CHEK2: variants seen among roughly 807,000 people sequenced by gnomAD.
CHEK2 encodes the protein serine/threonine-protein kinase Chk2.
CHEK2 carries 71 observed loss-of-function variants against 69.1 expected under a neutral mutation model. The observed-to-expected ratio is 1.03, with a 90% CI of 0.85 to 1.25. The LOEUF is 1.25. Among genes scored for constraint, CHEK2 ranks in the 50% most tolerant of loss-of-function variants. CHEK2 has a pLI of 0.00. For synonymous variants in CHEK2, 189 were observed against 226.9 expected, an observed-to-expected ratio of 0.83 and a Z score of 1.50; for missense variants, 664 against 649.6, an observed-to-expected ratio of 1.02 and a Z score of -0.24.
At chr22:28,697,551 ATTTCT>A (rs563734053) in intron 9 of CHEK2, among the ~76,000 whole-genome samples, 173 of 151,558 alleles carry the variant, frequency 1.1e-3, no homozygotes, top group South Asian at 3.7e-3. Flanking sequence ...ACTATGCCAT[ATTTCT>A]TTTCTTTTCT....
chr22:28,730,807 G>A (rs944373269), intron 2 of CHEK2, among the ~76,000 whole-genome samples: 13 of 152,142 alleles, frequency 8.5e-5, no homozygotes, highest in African/African-American at 2.2e-4. Context: ...GCGGTGAGCC[G>A]AGATCATGAC....
rs1352758126 is a variant in CHEK2, at chr22:28,699,849, A to G, written c.997T>C (p.Leu333=). The G allele has an allele frequency of 3.7e-6, 6 of 1,613,090 alleles. No individual in the cohort carries two copies. Among genetic ancestry groups the G allele is most frequent in the African/African-American group, 1.3e-5 (1 of 74,894 alleles). ...AGGGCTTCTTTTACCTGCACAGCCA[A>G]GAGCATCTGGTAAAAATAGAGCTTG... ...TCKLYFYQML[L]AVQYLHENGI... Residue 333 remains leucine, a synonymous_variant, in exon 9 of 15, where the codon TTG becomes CTG. Coordinates refer to ENST00000404276, the MANE Select transcript of CHEK2 (RefSeq NM_007194.4).
At chr22:28,722,559 A>AT (rs2053836100) in intron 4 of CHEK2, among the ~76,000 whole-genome samples, 1 of 141,364 alleles carries the variant, frequency 7.1e-6, no homozygotes, top group Admixed American at 7.0e-5. Context: ...AAAAAAAAAA[A>AT]GAAAAGAAAA....
rs2053428847 is a variant in CHEK2, at chr22:28,712,210, G to A, written c.684-193C>T. ...AGGGCTTAACAGCCAAAAACACTAAGTCAGCTCCAAATTCCATTTCTGAGC... is the reference window on the plus strand; with the variant it reads ...AGGGCTTAACAGCCAAAAACACTAAATCAGCTCCAAATTCCATTTCTGAGC... On this transcript the variant is annotated intron_variant, in intron 5 of 14. Coordinates refer to ENST00000404276, the MANE Select transcript of CHEK2 (RefSeq NM_007194.4). 1.3e-5 allele frequency: 8 copies of A among 602,120 alleles called. No individual in the cohort carries two copies. The East Asian group carries it at 2.2e-4, about 17-fold the overall frequency. 37.3% of individuals were successfully genotyped at this position (602,120 alleles called of 1,614,324 possible).
At chr22:28,721,350 A>G (rs1451414601) in intron 4 of CHEK2, among the ~76,000 whole-genome samples, 13 of 137,444 alleles carry the variant, frequency 9.5e-5, no homozygotes, top group African/African-American at 3.6e-4. Context: ...GCAATGGTGC[A>G]ATCTTGGCTC....
chr22:28,734,776 C>A, intron 1 of CHEK2, 49 bp from the exon 2 acceptor site: 20 of 1,421,876 alleles, frequency 1.4e-5, no homozygotes, highest in Non-Finnish European at 1.8e-5. Context: ...AGGCACAAGA[C>A]TTAAAATTAA....
At chr22:28,694,694 T>G (rs1045874740) in intron 12 of CHEK2, among the ~76,000 whole-genome samples, 4 of 152,222 alleles carry the variant, frequency 2.6e-5, no homozygotes, top group Admixed American at 2.6e-4. Flanking sequence ...CAGGATAAAT[T>G]ATAAAATACA....
rs894059185 is a variant in CHEK2 at position 28,741,753 on chromosome 22, TC to T, written c.-7+15del. The T allele has an allele frequency of 2.7e-6, 1 of 371,252 alleles. No homozygotes were observed. The highest frequency in any genetic ancestry group is 2.1e-5 in the African/African-American group (1 of 48,404). 23.0% of individuals were successfully genotyped at this position (371,252 alleles called of 1,614,324 possible). A position where few individuals can be genotyped will look rare whatever the true frequency, so the allele number is the denominator to read the frequency against. ...GAACCACCAAACACCCAACAGAAGT[TC>T]CCCATATGACTCACCGCGTGAGCCC... On this transcript the variant is annotated intron_variant, in intron 1 of 14. Coordinates refer to ENST00000404276, the MANE Select transcript of CHEK2 (RefSeq NM_007194.4).
At chr22:28,735,987 G>A (rs1217339047) in intron 1 of CHEK2, among the ~76,000 whole-genome samples, 2 of 152,246 alleles carry the variant, frequency 1.3e-5, no homozygotes, top group East Asian at 3.9e-4. Context: ...GTGGAGGTAG[G>A]AGGATTGCTT....
In CHEK2 at chr22:28,694,129, A is replaced by T; in HGVS notation, c.1376-12T>A. The T allele has an allele frequency of 6.4e-7, 1 of 1,555,484 alleles. No homozygotes were observed. On this transcript the variant is annotated splice_polypyrimidine_tract_variant and intron_variant, in intron 12 of 14. Coordinates refer to ENST00000404276, the MANE Select transcript of CHEK2 (RefSeq NM_007194.4). The stretch of plus-strand genomic sequence containing the variant: ...GACAAGGTCCAGAGCTAAAGCAACA[A>T]TTGGGCAAATCACAGTGAAAAGGAT...
At chr22:28,696,447 C>G (rs1973953893) in intron 10 of CHEK2, among the ~76,000 whole-genome samples, 1 of 152,206 alleles carries the variant, frequency 6.6e-6, no homozygotes. Context: ...GATCTCAGCT[C>G]ACTGCAACTT....
intron 2 of CHEK2, among the ~76,000 whole-genome samples, chr22:28,729,131 C>T (rs1312357343): frequency 1.3e-5 from 2 of 152,066 alleles, no homozygotes; most frequent in Non-Finnish European, 1.5e-5. Context: ...CAGACAGAGA[C>T]ATCACAGTAA....
At chr22:28,736,764 AC>A (rs17881006) in intron 1 of CHEK2, among the ~76,000 whole-genome samples, 39,126 of 137,938 alleles carry the variant, frequency 0.28, 3,873 homozygotes, top group African/African-American at 0.36. Flanking sequence ...ACATAGTGGG[AC>A]CCCCCCCGCC....
rs765216307 is a variant in CHEK2, at chr22:28,711,910, G to A, written c.791C>T (p.Ala264Val). 1 of 1,599,732 alleles carries A rather than the reference G, an allele frequency of 6.3e-7. No homozygotes were observed. Among genetic ancestry groups the A allele is most frequent in the East Asian group, 2.2e-5 (1 of 44,786 alleles). The change falls in exon 6 of 15, where the codon GCA becomes GTA. Residue 264 changes from alanine (A) to valine (V), a missense_variant and splice_region_variant. Transcript: ENST00000404276. ...RKFAIGSARE[A>V]DPALNVETEI... Reference sequence around the variant, plus strand: ...GATCAGCCTTTTATTGGTACTTACTGCCTCTCTTGCTGAACCAATAGCAAA... The same window carrying A: ...GATCAGCCTTTTATTGGTACTTACTACCTCTCTTGCTGAACCAATAGCAAA...
At chr22:28,709,469 T>C (rs1264316089) in intron 7 of CHEK2, among the ~76,000 whole-genome samples, 4 of 152,234 alleles carry the variant, frequency 2.6e-5, no homozygotes, top group Non-Finnish European at 4.4e-5. Context: ...CATTTGTTTA[T>C]TTAATCATGA....
chr22:28,703,395 C>G (rs2052966211), intron 8 of CHEK2, 110 bp downstream of exon 8: 1 of 695,350 alleles, frequency 1.4e-6, no homozygotes, highest in Non-Finnish European at 2.6e-6. Flanking sequence ...CTACTACATA[C>G]ATACGTTGAG....
intron 5 of CHEK2, among the ~76,000 whole-genome samples, chr22:28,713,960 C>T (rs2053499317): frequency 1.3e-5 from 2 of 152,168 alleles, no homozygotes; most frequent in Non-Finnish European, 2.9e-5. Context: ...GGATTAGAGG[C>T]GTGAGCCACC....
intron 5 of CHEK2, among the ~76,000 whole-genome samples, chr22:28,717,916 T>C (rs2053639901): frequency 6.6e-6 from 1 of 151,458 alleles, no homozygotes; most frequent in Non-Finnish European, 1.5e-5. Flanking sequence ...CTCAAAAAAA[T>C]AAAATAAAGT....
chr22:28,706,450 G>C (rs2053145444), intron 7 of CHEK2, among the ~76,000 whole-genome samples: 1 of 152,064 alleles, frequency 6.6e-6, no homozygotes, highest in African/African-American at 2.4e-5. Context: ...GTTTTGTTTT[G>C]CTTTTGTTTT....
Sources: gnomAD v4.1 joint callset for allele counts (sites outside exome capture counted in the v4.1 genomes callset) on GRCh38, gnomAD v4.1.1 for gene constraint, MANE v1.5 for transcripts, NCBI Gene and HGNC (gene_info 2026-07-23, HGNC 2026-07-21) for gene names.